Variants in CAMSAP1 observed in about 807,000 individuals in gnomAD.
The protein encoded by CAMSAP1 is calmodulin regulated spectrin associated protein 1.
CAMSAP1 carries 58 observed loss-of-function variants against 143.5 expected under a neutral mutation model. That is an observed-to-expected ratio of 0.40 (90% CI 0.33 to 0.50). The LOEUF (loss-of-function observed/expected upper bound fraction) is 0.50, where lower values mean the gene tolerates loss of function less well. CAMSAP1 is among the 20% of genes least tolerant of loss of function. CAMSAP1 has a pLI of 0.45. For missense variants in CAMSAP1, 1,969 were observed against 2,115.7 expected (o/e 0.93, Z 1.36); for synonymous variants, 945 against 859.3 (o/e 1.10, Z -1.74).
At chr9:135,847,863 G>A (rs1477472868) in intron 7 of CAMSAP1, among the ~76,000 whole-genome samples, 12 of 506 alleles carry the variant, frequency 0.024, no homozygotes, top group East Asian at 0.056. Flanking sequence ...AGTGGGGGGA[G>A]GGGGCAGGGA....
In CAMSAP1 at chr9:135,895,465, A is replaced by C. The variant is rs146249952; in HGVS notation, c.160+11535T>G. Among the ~76,000 whole-genome samples, 41 of 152,336 alleles carry C rather than the reference A, an allele frequency of 2.7e-4. No individual in the cohort carries two copies. In the East Asian group the frequency reaches 7.7e-3, roughly 29 times the overall value. ...AGGAAAAGAACTGTCAATCAACCAC[A>C]AATTCCATATCCAGCAAGACTATCC... On this transcript the variant is annotated intron_variant, in intron 1 of 16. Coordinates refer to ENST00000389532, the MANE Select transcript of CAMSAP1 (RefSeq NM_015447.4).
chr9:135,865,990 G>A (rs1482989101), intron 4 of CAMSAP1, among the ~76,000 whole-genome samples: 1 of 152,240 alleles, frequency 6.6e-6, no homozygotes, highest in Non-Finnish European at 1.5e-5. Context: ...GGAAGGTGCA[G>A]CCCAGCCATC....
intron 8 of CAMSAP1, among the ~76,000 whole-genome samples, chr9:135,825,946 G>A (rs555354286): frequency 1.2e-4 from 18 of 152,156 alleles, no homozygotes; most frequent in African/African-American, 2.7e-4. Context: ...CAGGGAGCCC[G>A]GGGGGAAGCT....
Position 135,822,005 on chromosome 9 carries a change from C to G in CAMSAP1, c.2656G>C (p.Glu886Gln). ...SELVQLHMQL[E>Q]EKRRAIEAQK... ...GCCTCGATGGCCCTGCGCTTCTCCT[C>G]CAGCTGCATGTGCAGCTGTACCAGC... Residue 886 changes from glutamate (E) to glutamine (Q), a missense_variant, in exon 11 of 17, where the codon GAG becomes CAG. By Grantham distance (29) the Glu-to-Gln change is conservative. Coordinates refer to ENST00000389532, the MANE Select transcript of CAMSAP1 (RefSeq NM_015447.4). This position sits in a 1 kb window ranked among gnomAD's most constrained non-coding sequence, Gnocchi z 6.1. The G allele has an allele frequency of 6.2e-7, 1 of 1,613,094 alleles. No individual in the cohort carries two copies.
At position 135,811,942 on chromosome 9, in the gene CAMSAP1, GGAACCCA is replaced by G. The variant is rs1343930154; in HGVS notation, c.4507-338_4507-332del. 6.6e-6 allele frequency among the ~76,000 whole-genome samples: 1 copy of G among 152,220 alleles called. No individual in the cohort carries two copies. Among genetic ancestry groups the G allele is most frequent in the African/African-American group, 2.4e-5 (1 of 41,456 alleles). On this transcript the variant is annotated intron_variant, in intron 16 of 16. Coordinates refer to ENST00000389532, the MANE Select transcript of CAMSAP1 (RefSeq NM_015447.4). The surrounding 1 kb of genome is among the most constrained non-coding windows in gnomAD (Gnocchi z 4.9). ...TCGCGTCATGCCCACAAGGACGGCT[GGAACCCA>G]GAAGCAGGGCGGTAACGAGTGCTGG...
intron 4 of CAMSAP1, among the ~76,000 whole-genome samples, chr9:135,862,947 C>A (rs1377799567): frequency 2.0e-5 from 3 of 152,124 alleles, no homozygotes; most frequent in Admixed American, 6.6e-5. Flanking sequence ...ACCTACACTA[C>A]CGAAAGCCGA....
At chr9:135,815,703 A>C (rs550731602) in intron 15 of CAMSAP1, among the ~76,000 whole-genome samples, 187 bp downstream of exon 15, 2 of 152,384 alleles carry the variant, frequency 1.3e-5, no homozygotes, top group South Asian at 4.1e-4. Context: ...GGCAGGCCTA[A>C]GAGCTTCTAC....
At position 135,822,129 on chromosome 9, in the gene CAMSAP1, C is replaced by A. The variant is rs35871460; in HGVS notation, c.2532G>T (p.Ala844=). Residue 844 remains alanine, a synonymous_variant, in exon 11 of 17, where the codon GCG becomes GCT. Coordinates refer to ENST00000389532, the MANE Select transcript of CAMSAP1 (RefSeq NM_015447.4). The surrounding 1 kb of genome is among the most constrained non-coding windows in gnomAD (Gnocchi z 6.1). ...TCAGAGGGGCTGGGCAGCTCTCAGACGCATCTGGCGTGGTCTTCTGGGAGC... is the reference window on the plus strand; with the variant it reads ...TCAGAGGGGCTGGGCAGCTCTCAGAAGCATCTGGCGTGGTCTTCTGGGAGC... ...TSSSQKTTPD[A]SESCPAPLTT... is the part of the protein sequence containing the mutation. 2.5e-6 allele frequency: 4 copies of A among 1,612,606 alleles called. No individual in the cohort carries two copies. In the East Asian group the frequency reaches 8.9e-5, roughly 36 times the overall value.
chr9:135,835,938 C>T (rs1836017004), intron 7 of CAMSAP1, among the ~76,000 whole-genome samples: 1 of 152,180 alleles, frequency 6.6e-6, no homozygotes, highest in African/African-American at 2.4e-5. Flanking sequence ...TGAGATTGTG[C>T]CACTGCTCTC....
In CAMSAP1 at chr9:135,811,662, A is replaced by G; in HGVS notation, c.4507-51T>C. The G allele has an allele frequency of 6.6e-7, 1 of 1,523,740 alleles. No homozygotes were observed. Among genetic ancestry groups the G allele is most frequent in the Admixed American group, 2.0e-5 (1 of 50,370 alleles). The allele number at this position is 1,523,740 out of a possible 1,614,324, so 94.4% of individuals were successfully genotyped here. On this transcript the variant is annotated intron_variant, in intron 16 of 16. Coordinates refer to ENST00000389532, the MANE Select transcript of CAMSAP1 (RefSeq NM_015447.4). The surrounding 1 kb of genome is among the most constrained non-coding windows in gnomAD (Gnocchi z 4.9). ...AGACAAACACTTCAGGGCCACTCCA[A>G]TTGCCACGAGTTGGGCTCCCACAGC...
At chr9:135,832,629 A>G (rs1322150576) in intron 7 of CAMSAP1, among the ~76,000 whole-genome samples, 2 of 152,244 alleles carry the variant, frequency 1.3e-5, no homozygotes, top group African/African-American at 2.4e-5. Flanking sequence ...GGTCCTACAC[A>G]TAGAAAATCC....
intron 7 of CAMSAP1, among the ~76,000 whole-genome samples, chr9:135,829,685 T>C (rs1377013363): frequency 6.6e-6 from 1 of 151,840 alleles, no homozygotes; most frequent in African/African-American, 2.4e-5. Context: ...AAACTCCATG[T>C]CTACCGAAAA....
chr9:135,832,696 G>A lies in CAMSAP1; in HGVS notation c.1046-5112C>T, dbSNP rs186476343. ...ATCAACGAATTCAGTCAAGTTGCAG[G>A]ATACAAAATCAACATGAAAAAACTG... On this transcript the variant is annotated intron_variant, in intron 7 of 16. Coordinates refer to ENST00000389532, the MANE Select transcript of CAMSAP1 (RefSeq NM_015447.4). 1.9e-3 allele frequency among the ~76,000 whole-genome samples: 287 copies of A among 152,166 alleles called. 7 individuals are homozygous for A. Among genetic ancestry groups the A allele is most frequent in the Admixed American group, 0.018 (280 of 15,284 alleles).
At position 135,850,145 on chromosome 9, in the gene CAMSAP1, A is replaced by T; in HGVS notation, c.1037T>A (p.Leu346Gln). The change falls in exon 7 of 17, where the codon CTG becomes CAG. Residue 346 changes from leucine (L) to glutamine (Q), a missense_variant. Physicochemically the swap from Leu to Gln is moderately radical, Grantham distance 113 (BLOSUM62 -2). Transcript: ENST00000389532. ...GAATATCTGTCACTCACCGTCTTTC[A>T]GCTCCTGAACATCCCTGGGCTGAAC... ...DFVQPRDVQE[L>Q]KDAKTVLHQK... The T allele has an allele frequency of 6.2e-7, 1 of 1,608,078 alleles. No homozygotes were observed. Among genetic ancestry groups the T allele is most frequent in the South Asian group, 1.1e-5 (1 of 89,452 alleles).
Position 135,818,471 on chromosome 9 carries a change from G to A in CAMSAP1, c.4105C>T (p.Arg1369Trp), listed in dbSNP as rs780140946. 4.4e-6 allele frequency: 7 copies of A among 1,606,768 alleles called. No individual in the cohort carries two copies. Among genetic ancestry groups the A allele is most frequent in the Admixed American group, 1.7e-5 (1 of 59,716 alleles). Residue 1369 changes from arginine to tryptophan, a missense_variant, in exon 13 of 17, where the codon CGG becomes TGG. By Grantham distance (101) the Arg-to-Trp change is moderately radical. Transcript: ENST00000389532. The surrounding 1 kb of genome is among the most constrained non-coding windows in gnomAD (Gnocchi z 7.7). ...TCTTCCCGGTGCACCGACTTCGGCCGCGGCTTCTTCGGCTTTGACTTGGGC... is the reference window on the plus strand; with the variant it reads ...TCTTCCCGGTGCACCGACTTCGGCCACGGCTTCTTCGGCTTTGACTTGGGC... ...GKPKSKPKKP[R>W]PKSVHREESC...
chr9:135,903,937 TAGC>T (rs1159754556), intron 1 of CAMSAP1, among the ~76,000 whole-genome samples: 1 of 152,176 alleles, frequency 6.6e-6, no homozygotes, highest in Non-Finnish European at 1.5e-5. Flanking sequence ...CCACACTGGG[TAGC>T]AGCGAATCTC....
At chr9:135,869,769 A>C (rs534889878) in intron 3 of CAMSAP1, among the ~76,000 whole-genome samples, 100 of 152,368 alleles carry the variant, frequency 6.6e-4, no homozygotes, top group Non-Finnish European at 1.2e-3. Flanking sequence ...CAAGATGCAG[A>C]AACACCACAA....
At chr9:135,890,247 C>T (rs948088972) in intron 1 of CAMSAP1, among the ~76,000 whole-genome samples, 1 of 152,266 alleles carries the variant, frequency 6.6e-6, no homozygotes, top group South Asian at 2.1e-4. Context: ...CACAGAGCCT[C>T]TGCACACACA....
intron 14 of CAMSAP1, 105 bp from the exon 15 acceptor site, chr9:135,816,110 G>T: frequency 1.0e-6 from 1 of 1,004,536 alleles, no homozygotes; most frequent in East Asian, 2.4e-5. Flanking sequence ...CACATCAGCA[G>T]GGGAGGAGGC....
Sources: allele counts gnomAD v4.1 joint callset (sites outside exome capture counted in the v4.1 genomes callset), GRCh38; gene constraint gnomAD v4.1.1; non-coding constraint Gnocchi (gnomAD v3.1); transcripts MANE v1.5; gene names NCBI Gene and HGNC (gene_info 2026-07-23, HGNC 2026-07-21).